DIAPH3: variants seen among roughly 807,000 people sequenced by gnomAD.
DIAPH3 encodes protein diaphanous homolog 3.
In DIAPH3, 117 loss-of-function variants were observed where a neutral mutation model predicts 144.3. The ratio of observed to expected loss-of-function variants is 0.81; its 90% CI spans 0.70 to 0.95. The LOEUF (loss-of-function observed/expected upper bound fraction) is 0.95. Ranked by LOEUF, DIAPH3 falls within the 40% of genes least tolerant of loss-of-function variation. The pLI is 0.00. For missense variants in DIAPH3, 1,421 were observed against 1,412.7 expected (o/e 1.01, Z -0.09); for synonymous variants, 519 against 488.9 (o/e 1.06, Z -0.81).
intron 3 of DIAPH3, among the ~76,000 whole-genome samples, chr13:60,105,283 T>C (rs573626492): frequency 1.4e-3 from 220 of 152,278 alleles, no homozygotes; most frequent in Non-Finnish European, 2.4e-3. Context: ...GAAGAAAATA[T>C]GACTGAGAAA....
chr13:60,070,661 C>T (rs919004542), intron 4 of DIAPH3, among the ~76,000 whole-genome samples: 7 of 152,060 alleles, frequency 4.6e-5, no homozygotes, highest in Non-Finnish European at 8.8e-5. Flanking sequence ...TCCCTTTTTG[C>T]TCAAATTATC....
intron 17 of DIAPH3, among the ~76,000 whole-genome samples, chr13:59,948,873 G>A (rs71432794): frequency 6.6e-6 from 1 of 151,282 alleles, no homozygotes; most frequent in Admixed American, 6.6e-5. Flanking sequence ...AGGAAGGAAG[G>A]AAGGAAGGAA....
intron 27 of DIAPH3, among the ~76,000 whole-genome samples, chr13:59,759,063 G>C (rs1029355802): frequency 6.6e-6 from 1 of 151,578 alleles, no homozygotes; most frequent in African/African-American, 2.4e-5. Context: ...AAGTGCTGGG[G>C]TTACAGGCAT....
Position 60,112,149 on chromosome 13 carries a change from T to A in DIAPH3, c.251A>T (p.Lys84Met). Residue 84 changes from lysine (K) to methionine (M), a missense_variant, in exon 3 of 28, where the codon AAG (lysine) becomes ATG (methionine). Lys to Met is a moderately conservative substitution (Grantham distance 95). Coordinates refer to ENST00000400324, the MANE Select transcript of DIAPH3 (RefSeq NM_001042517.2). The stretch of plus-strand genomic sequence containing the variant: ...GTTGGGAAGTGGAGGTCTCTCTTTC[T>A]TGCTCCCTGGAATTCTTATGCTGGC... Reference protein sequence around the residue: ...KFASIRIPGSKKERPPLPNLK... With the variant: ...KFASIRIPGSMKERPPLPNLK... The A allele has an allele frequency of 6.2e-7, 1 of 1,614,090 alleles. No individual in the cohort carries two copies. The highest frequency in any genetic ancestry group is 8.5e-7 in the Non-Finnish European group (1 of 1,180,002).
intron 25 of DIAPH3, among the ~76,000 whole-genome samples, chr13:59,782,651 AG>A (rs2038799607): frequency 1.3e-5 from 2 of 152,202 alleles, no homozygotes; most frequent in South Asian, 4.1e-4. Context: ...ACCTCTGAGA[AG>A]GGGAGGAAGA....
At chr13:59,893,962 T>A (rs929631437) in intron 20 of DIAPH3, among the ~76,000 whole-genome samples, 1 of 152,176 alleles carries the variant, frequency 6.6e-6, no homozygotes. Flanking sequence ...GCAATTTTTA[T>A]TCTTTGTTTC....
intron 17 of DIAPH3, among the ~76,000 whole-genome samples, chr13:59,958,762 A>T (rs1049853357): frequency 1.3e-5 from 2 of 152,034 alleles, no homozygotes; most frequent in Admixed American, 6.5e-5. Context: ...GTACTTAAGA[A>T]AACACAATAT....
Position 59,829,900 on chromosome 13 carries a change from G to A in DIAPH3, c.3027+3207C>T, listed in dbSNP as rs760390452. 2.0e-5 allele frequency among the ~76,000 whole-genome samples: 3 copies of A among 151,816 alleles called. No homozygotes were observed. In the South Asian group the frequency reaches 6.2e-4, roughly 31 times the overall value. On this transcript the variant is annotated intron_variant, in intron 24 of 27. Transcript: ENST00000400324. Reference sequence around the variant, plus strand: ...AGACAGTGGTTCCAACCCCTGATATGTAATACAAAAATTAGCCTTCACTTT... The same window carrying A: ...AGACAGTGGTTCCAACCCCTGATATATAATACAAAAATTAGCCTTCACTTT...
rs2058020891 is a variant in DIAPH3, at chr13:60,093,610, C to T, written c.495+18G>A. On this transcript the variant is annotated intron_variant, in intron 4 of 27. Coordinates refer to ENST00000400324, the MANE Select transcript of DIAPH3 (RefSeq NM_001042517.2). ...AAACATGTTCGGCAGTATTTTTCAA[C>T]TTGACAGTTTTACTTACTGTCTTAG... The T allele has an allele frequency of 3.3e-6, 5 of 1,500,884 alleles. No homozygotes were observed. Among genetic ancestry groups the T allele is most frequent in the Non-Finnish European group, 4.6e-6 (5 of 1,079,216 alleles). The allele number at this position is 1,500,884 out of a possible 1,614,324, so 93.0% of individuals were successfully genotyped here.
At chr13:59,731,575 T>A (rs1333175377) in intron 27 of DIAPH3, among the ~76,000 whole-genome samples, 1 of 152,186 alleles carries the variant, frequency 6.6e-6, no homozygotes, top group African/African-American at 2.4e-5. Context: ...CATTTTGACC[T>A]GTAAATTGTG....
At chr13:59,675,810 C>T (rs1056271613) in intron 27 of DIAPH3, among the ~76,000 whole-genome samples, 1 of 152,120 alleles carries the variant, frequency 6.6e-6, no homozygotes, top group Admixed American at 6.5e-5. Flanking sequence ...TCTGGGGGAA[C>T]ATGATTAGGC....
intron 21 of DIAPH3, among the ~76,000 whole-genome samples, chr13:59,866,681 T>C (rs2043945246): frequency 6.6e-6 from 1 of 152,100 alleles, no homozygotes; most frequent in Non-Finnish European, 1.5e-5. Context: ...TGACAAAATA[T>C]CATATGATTG....
At chr13:59,724,747 CGTT>C (rs1212935521) in intron 27 of DIAPH3, among the ~76,000 whole-genome samples, 6 of 152,266 alleles carry the variant, frequency 3.9e-5, no homozygotes, top group African/African-American at 9.6e-5. Flanking sequence ...TGAAAGAAAT[CGTT>C]GTGAAAATTA....
At chr13:59,860,131 A>G (rs994133241) in intron 22 of DIAPH3, among the ~76,000 whole-genome samples, 10 of 152,180 alleles carry the variant, frequency 6.6e-5, no homozygotes, top group African/African-American at 2.2e-4. Flanking sequence ...TTCTTTGTCA[A>G]TAAAGTTCTA....
intron 20 of DIAPH3, among the ~76,000 whole-genome samples, chr13:59,903,813 A>G (rs2046582979): frequency 6.6e-6 from 1 of 152,160 alleles, no homozygotes; most frequent in African/African-American, 2.4e-5. Flanking sequence ...CTGTTCATCT[A>G]TTCTTTATTT....
chr13:59,955,693 T>G (rs565994889), intron 17 of DIAPH3, among the ~76,000 whole-genome samples: 1 of 152,260 alleles, frequency 6.6e-6, no homozygotes, highest in South Asian at 2.1e-4. Flanking sequence ...AGTTTGGACC[T>G]TCCTAGAGAC....
At chr13:59,755,645 C>G (rs1184805435) in intron 27 of DIAPH3, among the ~76,000 whole-genome samples, 1 of 152,052 alleles carries the variant, frequency 6.6e-6, no homozygotes, top group South Asian at 2.1e-4. Flanking sequence ...TTATCTTTAC[C>G]TATCAGTGGC....
intron 5 of DIAPH3, among the ~76,000 whole-genome samples, chr13:60,027,863 T>A (rs890235636): frequency 1.3e-5 from 2 of 152,150 alleles, no homozygotes; most frequent in African/African-American, 2.4e-5. Flanking sequence ...TTGCCAACAA[T>A]ATATGTGGAA....
chr13:59,998,141 A>G (rs1250633178), intron 9 of DIAPH3, among the ~76,000 whole-genome samples: 2 of 152,152 alleles, frequency 1.3e-5, no homozygotes. Flanking sequence ...AAAATTTTAT[A>G]CACATGCATT....
Sources: gnomAD v4.1 joint callset for allele counts (sites outside exome capture counted in the v4.1 genomes callset) on GRCh38, gnomAD v4.1.1 for gene constraint, MANE v1.5 for transcripts, NCBI Gene and HGNC (gene_info 2026-07-23, HGNC 2026-07-21) for gene names.